Variants in CACNA1A observed in about 807,000 individuals in gnomAD.
The protein encoded by CACNA1A is voltage-dependent P/Q-type calcium channel subunit alpha-1A.
CACNA1A carries 57 observed loss-of-function variants against 262.4 expected under a neutral mutation model. The ratio of observed to expected loss-of-function variants is 0.22; its 90% CI spans 0.18 to 0.27. CACNA1A has a LOEUF of 0.27. CACNA1A is among the 10% of genes least tolerant of loss of function. The pLI, the probability that CACNA1A is intolerant of heterozygous loss-of-function variation, is 1.00. For synonymous variants in CACNA1A, 1,431 were observed against 1,419.3 expected (o/e 1.01, Z -0.18); for missense variants, 2,526 against 3,562.8 (o/e 0.71, Z 7.41).
At chr19:13,418,241 G>C (rs2060258553) in intron 3 of CACNA1A, among the ~76,000 whole-genome samples, 1 of 152,128 alleles carries the variant, frequency 6.6e-6, no homozygotes, top group Non-Finnish European at 1.5e-5. Context: ...CTTCCATGAA[G>C]TCAGCTTTCT....
intron 1 of CACNA1A, among the ~76,000 whole-genome samples, chr19:13,498,778 G>A (rs1981991926): frequency 6.6e-6 from 1 of 152,106 alleles, no homozygotes; most frequent in Non-Finnish European, 1.5e-5. Context: ...TTGGTCAACG[G>A]CACCATCTCT....
At chr19:13,286,087 C>T (rs1360633863) in intron 20 of CACNA1A, among the ~76,000 whole-genome samples, 1 of 151,628 alleles carries the variant, frequency 6.6e-6, no homozygotes, top group Non-Finnish European at 1.5e-5. Flanking sequence ...GTACATCTGG[C>T]CCCTTTTTTA....
Position 13,212,849 on chromosome 19 carries a change from C to A in CACNA1A, c.5941-109G>T. 1.8e-6 allele frequency: 1 copy of A among 568,298 alleles called. No homozygotes were observed. Among genetic ancestry groups the A allele is most frequent in the Non-Finnish European group, 3.1e-6 (1 of 325,856 alleles). The allele number at this position is 568,298 out of a possible 1,614,324, so 35.2% of individuals were successfully genotyped here. A position where few individuals can be genotyped will look rare whatever the true frequency, so the allele number is the denominator to read the frequency against. ...GTATACACACACACACACACACACA[C>A]TCTCTCAGGTCTCATCCATCTAGAC... On this transcript the variant is annotated intron_variant, in intron 40 of 46. Transcript: ENST00000360228. The surrounding 1 kb of genome is among the most constrained non-coding windows in gnomAD (Gnocchi z 5.6).
At chr19:13,479,536 G>A (rs1163402914) in intron 1 of CACNA1A, among the ~76,000 whole-genome samples, 1 of 152,208 alleles carries the variant, frequency 6.6e-6, no homozygotes, top group African/African-American at 2.4e-5. Flanking sequence ...ATCTTCTCGG[G>A]CTTTCTCCCA....
chr19:13,281,250 T>C (rs553735083), intron 22 of CACNA1A, among the ~76,000 whole-genome samples: 1 of 151,772 alleles, frequency 6.6e-6, no homozygotes, highest in East Asian at 1.9e-4. Context: ...TGGTGGTGCA[T>C]GCCTGTGGTC....
intron 10 of CACNA1A, among the ~76,000 whole-genome samples, chr19:13,328,942 C>T (rs1472215970): frequency 1.3e-5 from 2 of 152,018 alleles, no homozygotes; most frequent in Admixed American, 6.6e-5. Flanking sequence ...CTTTCTCTTG[C>T]CATCCTTTCT....
chr19:13,328,356 C>G (rs2058403979), intron 10 of CACNA1A, among the ~76,000 whole-genome samples: 1 of 152,122 alleles, frequency 6.6e-6, no homozygotes, highest in Non-Finnish European at 1.5e-5. Context: ...AGAATGAGTT[C>G]TCCATTACAA....
chr19:13,208,341 G>T (rs1480408601), intron 46 of CACNA1A, among the ~76,000 whole-genome samples: 1 of 152,040 alleles, frequency 6.6e-6, no homozygotes, highest in African/African-American at 2.4e-5. Context: ...ATGGAGTTTT[G>T]TAAGTTTCGG....
chr19:13,375,478 G>A (rs1229248731), intron 3 of CACNA1A, among the ~76,000 whole-genome samples: 1 of 152,156 alleles, frequency 6.6e-6, no homozygotes, highest in Non-Finnish European at 1.5e-5. Context: ...TAAACACAGT[G>A]AGGAAGGCGT....
chr19:13,385,048 T>C (rs577276931), intron 3 of CACNA1A, among the ~76,000 whole-genome samples: 1 of 152,038 alleles, frequency 6.6e-6, no homozygotes, highest in Non-Finnish European at 1.5e-5. Flanking sequence ...GCTATTTAAA[T>C]ACAGATTTAA....
intron 27 of CACNA1A, 25 bp from the exon 28 acceptor site, chr19:13,257,576 G>C: frequency 6.7e-7 from 1 of 1,500,018 alleles, no homozygotes; most frequent in Non-Finnish European, 9.1e-7. Context: ...GCAGGGAGAG[G>C]GAAGGGGCAG....
intron 3 of CACNA1A, among the ~76,000 whole-genome samples, chr19:13,427,409 G>A (rs2060421940): frequency 6.6e-6 from 1 of 151,830 alleles, no homozygotes. Context: ...CCGAGATCAT[G>A]CCATTGCATT....
chr19:13,222,296 C>T (rs2055260964), intron 38 of CACNA1A, among the ~76,000 whole-genome samples: 1 of 152,124 alleles, frequency 6.6e-6, no homozygotes, highest in African/African-American at 2.4e-5. Context: ...CCCACCTCGG[C>T]CTCCCAGCGT....
intron 24 of CACNA1A, among the ~76,000 whole-genome samples, chr19:13,264,973 C>G (rs754578306): frequency 4.6e-5 from 7 of 151,150 alleles, no homozygotes; most frequent in Admixed American, 1.3e-4. Flanking sequence ...CTCCTGGGTT[C>G]AAGTGATTCT....
intron 12 of CACNA1A, among the ~76,000 whole-genome samples, chr19:13,310,100 T>C (rs1022099543): frequency 6.6e-6 from 1 of 152,164 alleles, no homozygotes; most frequent in African/African-American, 2.4e-5. Flanking sequence ...TGGTTTCTTT[T>C]ACCGAGCGTT....
chr19:13,344,730 CATTTATTTT>C (rs1436493050), intron 6 of CACNA1A, among the ~76,000 whole-genome samples: 1 of 120,318 alleles, frequency 8.3e-6, no homozygotes, highest in African/African-American at 3.2e-5. Flanking sequence ...GTTGGTGGAT[CATTTATTTT>C]ATTTATTTAT....
At chr19:13,242,646 A>T (rs1221955871) in intron 31 of CACNA1A, among the ~76,000 whole-genome samples, 5 of 152,020 alleles carry the variant, frequency 3.3e-5, no homozygotes, top group African/African-American at 4.8e-5. Flanking sequence ...TTAGAATGTC[A>T]GCTCTATGGG....
intron 3 of CACNA1A, among the ~76,000 whole-genome samples, chr19:13,402,916 A>ATG (rs2059935136): frequency 8.0e-6 from 1 of 124,854 alleles, no homozygotes; most frequent in Non-Finnish European, 1.7e-5. Flanking sequence ...ATATATATAT[A>ATG]CTTGCAAGTG....
chr19:13,335,024 C>T (rs563769585), intron 7 of CACNA1A, among the ~76,000 whole-genome samples: 34 of 122,644 alleles, frequency 2.8e-4, no homozygotes, highest in African/African-American at 8.6e-4. Context: ...TAAAGCTAGA[C>T]ACCGTCTCAA....
Sources: gnomAD v4.1 joint callset for allele counts (sites outside exome capture counted in the v4.1 genomes callset) on GRCh38, gnomAD v4.1.1 for gene constraint, Gnocchi (gnomAD v3.1) non-coding constraint, MANE v1.5 for transcripts, NCBI Gene and HGNC (gene_info 2026-07-23, HGNC 2026-07-21) for gene names.